The following ZMYM4 variants were observed in gnomAD, a reference collection of about 807,000 sequenced individuals.
ZMYM4 encodes zinc finger MYM-type containing 4.
A neutral mutation model predicts 183.2 loss-of-function variants in ZMYM4; 31 were observed. The observed-to-expected ratio is 0.17, with a 90% confidence interval of 0.13 to 0.23. ZMYM4 has a LOEUF of 0.23. Among genes scored for constraint, ZMYM4 ranks in the 10% least tolerant of loss-of-function variants. The probability of loss-of-function intolerance (pLI) is 1.00; values close to 1 mark genes in which losing one functional copy is unlikely to be tolerated. For missense variants in ZMYM4, 1,273 were observed against 1,840.3 expected, an observed-to-expected ratio of 0.69 and a Z score of 5.64; for synonymous variants, 592 against 631.2, an observed-to-expected ratio of 0.94 and a Z score of 0.93.
intron 23 of ZMYM4, among the ~76,000 whole-genome samples, chr1:35,403,650 A>G (rs1644951613): frequency 6.6e-6 from 1 of 152,176 alleles, no homozygotes; most frequent in Non-Finnish European, 1.5e-5. Flanking sequence ...TGGTTTTGGT[A>G]TCAGGGTAAT....
At chr1:35,359,544 G>A (rs1443765044) in intron 3 of ZMYM4, 98 bp downstream of exon 3, 29 of 1,167,032 alleles carry the variant, frequency 2.5e-5, no homozygotes, top group Admixed American at 6.5e-5. Context: ...AAGTATGAAC[G>A]GTTAAATTCA....
intron 1 of ZMYM4, among the ~76,000 whole-genome samples, chr1:35,287,158 T>C (rs1640543323): frequency 6.7e-6 from 1 of 148,926 alleles, no homozygotes; most frequent in South Asian, 2.1e-4. Context: ...GCTCAATAAG[T>C]GTTATTCCCT....
intron 1 of ZMYM4, among the ~76,000 whole-genome samples, chr1:35,320,353 CCA>C (rs1339571579): frequency 1.3e-5 from 2 of 152,150 alleles, no homozygotes; most frequent in Non-Finnish European, 2.9e-5. Context: ...GATTGCTGAA[CCA>C]CACAGAGGTG....
intron 25 of ZMYM4, 82 bp downstream of exon 25, chr1:35,405,550 T>G (rs1030450846): frequency 1.8e-6 from 2 of 1,107,698 alleles, no homozygotes; most frequent in African/African-American, 3.2e-5. Flanking sequence ...ATATTTAAAA[T>G]TATTTAAAAT....
chr1:35,314,850 C>A lies in ZMYM4; in HGVS notation c.40-10510C>A, dbSNP rs1036021099. On this transcript the variant is annotated intron_variant, in intron 1 of 29. Transcript: ENST00000314607. Reference sequence around the variant, plus strand: ...GACCAGCCTGGCCAACATGGTGAAACCCTGTCTCTATTAAAAATACAAAAA... The same window carrying A: ...GACCAGCCTGGCCAACATGGTGAAAACCTGTCTCTATTAAAAATACAAAAA... Among the ~76,000 whole-genome samples, 144 of 150,780 alleles carry A rather than the reference C, an allele frequency of 9.6e-4. 1 individual carries two copies. The highest frequency in any genetic ancestry group is 3.4e-3 in the African/African-American group (138 of 41,168).
rs1643884634 is a variant in ZMYM4 at position 35,358,975 on chromosome 1, A to T, written c.136A>T (p.Thr46Ser). 3.7e-6 allele frequency: 6 copies of T among 1,613,688 alleles called. No homozygotes were observed. The East Asian group carries it at 1.3e-4, about 36-fold the overall frequency. ...EMSEDIDHNLTPTLDSMSYGM... is the reference protein window; with the variant it reads ...EMSEDIDHNLSPTLDSMSYGM... ...GTCTGAAGATATAGACCACAACTTA[A>T]CTCCTACCCTTGACAGCATGTCTTA... Residue 46 changes from threonine to serine, a missense_variant, in exon 3 of 30, where the codon ACT (threonine) becomes TCT (serine). Physicochemically the swap from Thr to Ser is moderately conservative, Grantham distance 58. Transcript: ENST00000314607.
chr1:35,373,690 G>A (rs1018741468), intron 7 of ZMYM4, among the ~76,000 whole-genome samples: 1 of 151,548 alleles, frequency 6.6e-6, no homozygotes. Flanking sequence ...ACCGCGCCCG[G>A]CCCTGCACGG....
At chr1:35,404,914 A>G in intron 23 of ZMYM4, 109 bp from the exon 24 acceptor site, 1 of 1,132,178 alleles carries the variant, frequency 8.8e-7, no homozygotes, top group South Asian at 2.1e-5. Flanking sequence ...AGGATATAAA[A>G]CTAAATTCTT....
At chr1:35,282,974 T>C (rs12735399) in intron 1 of ZMYM4, among the ~76,000 whole-genome samples, 1 of 140,906 alleles carries the variant, frequency 7.1e-6, no homozygotes, top group African/African-American at 2.6e-5. Flanking sequence ...GTTTTCTGTG[T>C]GTGTGGTTTT....
chr1:35,341,557 C>T (rs1396680053), intron 2 of ZMYM4, among the ~76,000 whole-genome samples: 3 of 150,314 alleles, frequency 2.0e-5, no homozygotes, highest in African/African-American at 7.4e-5. Context: ...ATTCTTATTG[C>T]AAGAATAGTC....
intron 1 of ZMYM4, among the ~76,000 whole-genome samples, chr1:35,287,512 A>C (rs144254657): frequency 2.0e-5 from 3 of 151,888 alleles, no homozygotes; most frequent in Admixed American, 1.3e-4. Context: ...CTGAACTCCT[A>C]CTTCCTTCTT....
intron 5 of ZMYM4, chr1:35,366,155 T>C (rs1401993766): frequency 6.6e-6 from 1 of 152,226 alleles, no homozygotes; most frequent in Non-Finnish European, 1.5e-5. Flanking sequence ...TTAGTCGATG[T>C]TAGAAAATCT....
intron 5 of ZMYM4, 149 bp from the exon 6 acceptor site, chr1:35,369,880 G>T: frequency 4.2e-6 from 2 of 471,902 alleles, no homozygotes; most frequent in Non-Finnish European, 7.4e-6. Context: ...ATTATAGTTT[G>T]CTTGCTGTTT....
chr1:35,405,350 T>A, intron 24 of ZMYM4, 23 bp from the exon 25 acceptor site: 1 of 1,584,608 alleles, frequency 6.3e-7, no homozygotes, highest in Non-Finnish European at 8.5e-7. Context: ...TAAACTTTTC[T>A]TTTATGTTTC....
chr1:35,398,524 A>G (rs1173828334), intron 21 of ZMYM4, 58 bp downstream of exon 21: 14 of 1,439,800 alleles, frequency 9.7e-6, no homozygotes, highest in Non-Finnish European at 1.2e-5. Context: ...TTAGAAACCT[A>G]TAAAATATTA....
chr1:35,383,970 G>T (rs953468371), intron 9 of ZMYM4, among the ~76,000 whole-genome samples: 1 of 152,214 alleles, frequency 6.6e-6, no homozygotes, highest in African/African-American at 2.4e-5. Flanking sequence ...AAGAATGAAA[G>T]AATGCCTAGT....
intron 7 of ZMYM4, among the ~76,000 whole-genome samples, chr1:35,378,978 C>G (rs1320198031): frequency 1.3e-5 from 2 of 152,194 alleles, no homozygotes; most frequent in South Asian, 2.1e-4. Context: ...TCCTAGAATT[C>G]AAGAGAATTA....
At chr1:35,298,875 A>G (rs1189553791) in intron 1 of ZMYM4, among the ~76,000 whole-genome samples, 2 of 152,154 alleles carry the variant, frequency 1.3e-5, no homozygotes, top group African/African-American at 4.8e-5. Context: ...ACATAGTTAC[A>G]TTGCCATACT....
intron 1 of ZMYM4, among the ~76,000 whole-genome samples, chr1:35,290,339 T>TTA (rs1640701635): frequency 6.6e-6 from 1 of 152,270 alleles, no homozygotes; most frequent in South Asian, 2.1e-4. Context: ...GTACTTATGC[T>TTA]TAGCATATTT....
Sources: gnomAD v4.1 joint callset for allele counts (sites outside exome capture counted in the v4.1 genomes callset) on GRCh38, gnomAD v4.1.1 for gene constraint, MANE v1.5 for transcripts, NCBI Gene and HGNC (gene_info 2026-07-23, HGNC 2026-07-21) for gene names.